EFCAB5: variants seen among roughly 807,000 people sequenced by gnomAD.
The protein encoded by EFCAB5 is EF-hand calcium-binding domain-containing protein 5.
A neutral mutation model predicts 167.9 loss-of-function variants in EFCAB5; 131 were observed. That is an observed-to-expected ratio of 0.78 (90% confidence interval 0.68 to 0.90). The LOEUF (loss-of-function observed/expected upper bound fraction) is 0.90, where lower values mean the gene tolerates loss of function less well. Among genes scored for constraint, EFCAB5 ranks in the 40% least tolerant of loss-of-function variants. The pLI is 0.00. For missense variants in EFCAB5, 1,663 were observed against 1,745.2 expected (o/e 0.95, Z 0.84); for synonymous variants, 574 against 602.8 (o/e 0.95, Z 0.70).
intron 22 of EFCAB5, among the ~76,000 whole-genome samples, chr17:30,101,478 G>A (rs928937371): frequency 5.9e-5 from 9 of 152,172 alleles, no homozygotes; most frequent in Non-Finnish European, 1.3e-4. Flanking sequence ...GGCTTTGGTC[G>A]GGGGAGATGA....
intron 22 of EFCAB5, among the ~76,000 whole-genome samples, chr17:30,096,983 TATATAC>T (rs71138872): frequency 0.14 from 14,627 of 103,518 alleles, 1,508 homozygotes; most frequent in Non-Finnish European, 0.17. Context: ...CGGTCACAAT[TATATAC>T]ATATACATAT....
chr17:29,963,340 A>G (rs8078638), intron 3 of EFCAB5, among the ~76,000 whole-genome samples: 84,703 of 152,072 alleles, frequency 0.56, 24,244 homozygotes, highest in East Asian at 0.69. Flanking sequence ...TTATGAATGT[A>G]ATGGATTACA....
At chr17:30,081,703 A>G (rs2070991715) in intron 17 of EFCAB5, among the ~76,000 whole-genome samples, 1 of 152,106 alleles carries the variant, frequency 6.6e-6, no homozygotes. Flanking sequence ...TTTATTTACC[A>G]TTATTTTTCA....
rs1250788032 is a variant in EFCAB5 at position 30,051,124 on chromosome 17, T to G, written c.1207T>G (p.Phe403Val). 6.2e-7 allele frequency: 1 copy of G among 1,612,028 alleles called. No homozygotes were observed. Among genetic ancestry groups the G allele is most frequent in the South Asian group, 1.1e-5 (1 of 90,864 alleles). ...AACTTTCTTCTTTGCTTAGGTAGGG[T>G]TTTTGGATCGGCAGAGGACATTGGC... Reference protein sequence around the residue: ...FLHCDHGKVGFLDRQRTLALL... With the variant: ...FLHCDHGKVGVLDRQRTLALL... Residue 403 changes from phenylalanine to valine, a missense_variant, in exon 9 of 23, where the codon TTT becomes GTT. By Grantham distance (50) the Phe-to-Val change is conservative (BLOSUM62 -1). Coordinates refer to ENST00000394835, the MANE Select transcript of EFCAB5 (RefSeq NM_198529.4).
intron 14 of EFCAB5, among the ~76,000 whole-genome samples, chr17:30,075,793 T>G (rs2070857193): frequency 6.6e-6 from 1 of 152,196 alleles, no homozygotes; most frequent in African/African-American, 2.4e-5. Context: ...CCCTGCTAGG[T>G]GCCACATTGG....
chr17:30,012,752 C>A (rs2068936229), intron 7 of EFCAB5, among the ~76,000 whole-genome samples: 1 of 152,116 alleles, frequency 6.6e-6, no homozygotes, highest in South Asian at 2.1e-4. Context: ...TGGGGAGAGA[C>A]CCGCCGACCC....
rs1402457103 is a variant in EFCAB5 at position 29,969,058 on chromosome 17, G to A, written c.458G>A (p.Arg153Lys). Residue 153 changes from arginine to lysine, a missense_variant, in exon 4 of 23, where the codon AGG (arginine) becomes AAG (lysine). Transcript: ENST00000394835. ...LEKKAEKKLP[R>K]DNLAKEWFNT... ...AAAAAGGCTGAAAAAAAACTCCCTA[G>A]GGATAATTTGGCCAAAGAGTGGTTT... 1.9e-6 allele frequency: 3 copies of A among 1,609,406 alleles called. No homozygotes were observed. The highest frequency in any genetic ancestry group is 2.5e-6 in the Non-Finnish European group (3 of 1,178,260).
chr17:30,065,939 CTG>C (rs879651721), intron 14 of EFCAB5, among the ~76,000 whole-genome samples: 13,378 of 152,120 alleles, frequency 0.088, 1,303 homozygotes, highest in African/African-American at 0.24. Flanking sequence ...TCAGAGCACT[CTG>C]ATATTATAAA....
At chr17:30,100,600 C>T (rs2071368746) in intron 22 of EFCAB5, among the ~76,000 whole-genome samples, 1 of 152,014 alleles carries the variant, frequency 6.6e-6, no homozygotes, top group South Asian at 2.1e-4. Flanking sequence ...AACCCCATCT[C>T]TACTAAAAAT....
At position 29,999,953 on chromosome 17, in the gene EFCAB5, T is replaced by A. The variant is rs1274811820; in HGVS notation, c.1021T>A (p.Leu341Met). Residue 341 changes from leucine (L) to methionine (M), a missense_variant, in exon 7 of 23, where the codon TTG becomes ATG. Leu to Met is a conservative substitution (Grantham distance 15). Transcript: ENST00000394835. ...TATTACTGACTCAACAGAACCAAGATTGAACAAAATGGAATTTACAGAAGT... is the reference window on the plus strand; with the variant it reads ...TATTACTGACTCAACAGAACCAAGAATGAACAAAATGGAATTTACAGAAGT... ...LDITDSTEPRLNKMEFTEYIS... is the reference protein window; with the variant it reads ...LDITDSTEPRMNKMEFTEYIS... 6.3e-7 allele frequency: 1 copy of A among 1,579,712 alleles called. No individual in the cohort carries two copies. The highest frequency in any genetic ancestry group is 8.6e-7 in the Non-Finnish European group (1 of 1,161,078).
chr17:30,063,213 G>T (rs930484348), intron 14 of EFCAB5, among the ~76,000 whole-genome samples: 3 of 152,076 alleles, frequency 2.0e-5, no homozygotes, highest in Admixed American at 2.0e-4. Context: ...TCTTTTCCTT[G>T]TACTCCCTAA....
In EFCAB5 at chr17:29,966,578, T is replaced by C. The variant is rs893687241; in HGVS notation, c.191-2213T>C. Among the ~76,000 whole-genome samples the C allele has an allele frequency of 2.0e-5, 3 of 152,176 alleles. No homozygotes were observed. In the South Asian group the frequency reaches 6.2e-4, roughly 31 times the overall value. ...TCATATACTCATATACGTATACATA[T>C]GGGTATATGGTGTCAACATGATGTG... On this transcript the variant is annotated intron_variant, in intron 3 of 22. Coordinates refer to ENST00000394835, the MANE Select transcript of EFCAB5 (RefSeq NM_198529.4).
intron 14 of EFCAB5, 144 bp from the exon 15 acceptor site, chr17:30,078,071 G>A: frequency 4.0e-6 from 3 of 741,582 alleles, no homozygotes; most frequent in Non-Finnish European, 6.4e-6. Flanking sequence ...TATTCCACTG[G>A]GCTCAGAGAT....
chr17:30,015,575 C>T (rs896511941), intron 7 of EFCAB5, among the ~76,000 whole-genome samples: 9 of 152,262 alleles, frequency 5.9e-5, no homozygotes, highest in Admixed American at 3.3e-4. Context: ...TTCCCACCAG[C>T]GGTTTACAAG....
At chr17:30,008,493 G>A (rs2068822862) in intron 7 of EFCAB5, among the ~76,000 whole-genome samples, 1 of 152,036 alleles carries the variant, frequency 6.6e-6, no homozygotes, top group African/African-American at 2.4e-5. Flanking sequence ...TTGGGAGGCT[G>A]AGGCAGGAGA....
chr17:29,967,107 C>T (rs915198385), intron 3 of EFCAB5, among the ~76,000 whole-genome samples: 8 of 152,190 alleles, frequency 5.3e-5, no homozygotes, highest in Non-Finnish European at 1.0e-4. Context: ...TTTAAAGACT[C>T]CTTACATTTG....
In EFCAB5 at chr17:30,054,068, AAACATATG is replaced by A; in HGVS notation, c.2117_2124del (p.Thr706ArgfsTer8). On this transcript the variant is annotated frameshift_variant, in exon 10 of 23. Coordinates refer to ENST00000394835, the MANE Select transcript of EFCAB5 (RefSeq NM_198529.4). LOFTEE classifies it high-confidence loss of function. The stretch of plus-strand genomic sequence containing the variant: ...CTACAGGAAAAGAGGTCTTGGGAAC[AAACATATG>A]AAGAGGAAATATTCCTGAGTTCTGA... 1 of 1,594,784 alleles carries A rather than the reference AAACATATG, an allele frequency of 6.3e-7. No homozygotes were observed. Among genetic ancestry groups the A allele is most frequent in the South Asian group, 1.1e-5 (1 of 88,504 alleles).
intron 4 of EFCAB5, among the ~76,000 whole-genome samples, chr17:29,984,786 T>C (rs1423668932): frequency 6.6e-6 from 1 of 152,194 alleles, no homozygotes; most frequent in Non-Finnish European, 1.5e-5. Context: ...CCCAGCCCCT[T>C]CTGTACTATT....
At chr17:30,026,164 T>TATAATA (rs1341044809) in intron 7 of EFCAB5, among the ~76,000 whole-genome samples, 1 of 151,650 alleles carries the variant, frequency 6.6e-6, no homozygotes, top group South Asian at 2.1e-4. Context: ...AAACTTAAAG[T>TATAATA]ATAATAATAA....
Sources: allele counts gnomAD v4.1 joint callset (sites outside exome capture counted in the v4.1 genomes callset), GRCh38; gene constraint gnomAD v4.1.1; transcripts MANE v1.5; gene names NCBI Gene and HGNC (gene_info 2026-07-23, HGNC 2026-07-21).